Variants in ANK1 observed in about 807,000 individuals in gnomAD.
ANK1 encodes the protein ankyrin 1, also known as ankyrin-1.
A neutral mutation model predicts 210.4 loss-of-function variants in ANK1; 51 were observed. The observed-to-expected ratio is 0.24, with a 90% confidence interval of 0.19 to 0.31. ANK1 has a LOEUF of 0.31. Among genes scored for constraint, ANK1 ranks in the 10% least tolerant of loss-of-function variants. The probability of loss-of-function intolerance (pLI) is 1.00; values close to 1 mark genes in which losing one functional copy is unlikely to be tolerated. For synonymous variants in ANK1, 967 were observed against 1,025.9 expected, an observed-to-expected ratio of 0.94 and a Z score of 1.10; for missense variants, 2,051 against 2,504.4, an observed-to-expected ratio of 0.82 and a Z score of 3.86.
Position 41,695,214 on chromosome 8 carries a change from C to G in ANK1, c.3078G>C (p.Glu1026Asp), listed in dbSNP as rs760994168. 5 of 1,614,064 alleles carry G rather than the reference C, an allele frequency of 3.1e-6. No individual in the cohort carries two copies. The highest frequency in any genetic ancestry group is 1.1e-5 in the South Asian group (1 of 91,092). The change falls in exon 27 of 43, where the codon GAG (glutamate) becomes GAC (aspartate). Residue 1026 changes from glutamate to aspartate, a missense_variant. Glu to Asp is a conservative substitution (Grantham distance 45, BLOSUM62 2). Coordinates refer to ENST00000289734, the MANE Select transcript of ANK1 (RefSeq NM_000037.4). ...VWKEHRSRYG[E>D]SYLDQILNGM... Reference sequence around the variant, plus strand: ...CGTTGAGGATCTGATCCAGGTAGCTCTCTCCATAGCGGCTCCTGTGCTCCT... The same window carrying G: ...CGTTGAGGATCTGATCCAGGTAGCTGTCTCCATAGCGGCTCCTGTGCTCCT...
intron 1 of ANK1, among the ~76,000 whole-genome samples, chr8:41,833,519 G>A (rs996973400): frequency 1.3e-4 from 20 of 152,314 alleles, no homozygotes; most frequent in African/African-American, 4.1e-4. Flanking sequence ...AAGGATAAAC[G>A]GAAGCGTGGG....
rs1332892487 is a variant in ANK1, at chr8:41,710,800, G to C, written c.1801-1825C>G. On this transcript the variant is annotated intron_variant, in intron 16 of 42. Transcript: ENST00000289734. Reference sequence around the variant, plus strand: ...AAACCAACATTTCTGATTCTGCCAGGATCACTGGTCAGGAAGAGGAAAGGG... The same window carrying C: ...AAACCAACATTTCTGATTCTGCCAGCATCACTGGTCAGGAAGAGGAAAGGG... Among the ~76,000 whole-genome samples, 4 of 152,312 alleles carry C rather than the reference G, an allele frequency of 2.6e-5. No individual in the cohort carries two copies. In the South Asian group the frequency reaches 8.3e-4, roughly 32 times the overall value.
chr8:41,709,700 T>C (rs1320714678), intron 16 of ANK1, among the ~76,000 whole-genome samples: 1 of 152,188 alleles, frequency 6.6e-6, no homozygotes, highest in Non-Finnish European at 1.5e-5. Context: ...TTTGGGAGGC[T>C]GAGGTGTGAG....
intron 1 of ANK1, among the ~76,000 whole-genome samples, chr8:41,763,241 C>T (rs1840865856): frequency 6.6e-6 from 1 of 150,790 alleles, no homozygotes; most frequent in Admixed American, 6.6e-5. Flanking sequence ...TTATGACAGA[C>T]AAGCACATAA....
rs1216511155 is a variant in ANK1 at position 41,744,623 on chromosome 8, G to A, written c.130-10554C>T. Among the ~76,000 whole-genome samples, 10 of 147,030 alleles carry A rather than the reference G, an allele frequency of 6.8e-5. No individual in the cohort carries two copies. In the East Asian group the frequency reaches 8.0e-4, roughly 12 times the overall value. ...GCAATCTCGGCTCACTGCAAGCTCC[G>A]CCTCCCGGGTTCACACCATTCTCCT... is the stretch of plus-strand genomic sequence containing the variant. On this transcript the variant is annotated intron_variant, in intron 2 of 42. Coordinates refer to ENST00000289734, the MANE Select transcript of ANK1 (RefSeq NM_000037.4).
At position 41,661,890 on chromosome 8, in the gene ANK1, G is replaced by C; in HGVS notation, c.5530C>G (p.Gln1844Glu). ...QIDLSSADAA[Q>E]EHEEVELRGS... is the part of the protein sequence containing the mutation. ...TCTACAGTCACCTCCTCGTGCTCCT[G>C]GGCGGCATCGGCGCTGGACAAGTCT... The change falls in exon 41 of 43, where the codon CAG (glutamine) becomes GAG (glutamate). Residue 1844 changes from glutamine to glutamate, a missense_variant. Gln to Glu is a conservative substitution (Grantham distance 29). Coordinates refer to ENST00000289734, the MANE Select transcript of ANK1 (RefSeq NM_000037.4). 1.2e-6 allele frequency: 2 copies of C among 1,614,102 alleles called. No homozygotes were observed. The highest frequency in any genetic ancestry group is 1.7e-6 in the Non-Finnish European group (2 of 1,180,014).
In ANK1 at chr8:41,851,746, C is replaced by A. The variant is rs1033375688; in HGVS notation, c.126+44609G>T. ...GTGGCATGCACCTGTAGTCCCAGCT[C>A]CTCAGGAGGCTGAGGTGGGAGGATC... On this transcript the variant is annotated intron_variant, in intron 1 of 42. Coordinates refer to the ANK1 transcript ENST00000265709. 5.3e-5 allele frequency among the ~76,000 whole-genome samples: 8 copies of A among 152,296 alleles called. No individual in the cohort carries two copies. In the East Asian group the frequency reaches 7.7e-4, roughly 15 times the overall value.
At chr8:41,816,919 A>G (rs1002780346) in intron 1 of ANK1, among the ~76,000 whole-genome samples, 1 of 152,220 alleles carries the variant, frequency 6.6e-6, no homozygotes, top group Non-Finnish European at 1.5e-5. Flanking sequence ...ATACATAACC[A>G]TATAGATAGA....
At chr8:41,833,687 T>C (rs1422640053) in intron 1 of ANK1, among the ~76,000 whole-genome samples, 3 of 152,288 alleles carry the variant, frequency 2.0e-5, no homozygotes, top group African/African-American at 7.2e-5. Context: ...CATTCATCAG[T>C]GAACAGGCAG....
At chr8:41,784,788 GTTTT>G (rs1219488805) in intron 1 of ANK1, among the ~76,000 whole-genome samples, 1 of 152,228 alleles carries the variant, frequency 6.6e-6, no homozygotes, top group Non-Finnish European at 1.5e-5. Context: ...TTTTGAGGTG[GTTTT>G]GTTTTTGGTT....
At position 41,723,853 on chromosome 8, in the gene ANK1, G is replaced by A. The variant is rs1324579237; in HGVS notation, c.712-220C>T. ...CGCCCAGGCTGGAGTGCAGTGGCGC[G>A]ATCTCGACTCACTGCAAGCTCCGCC... On this transcript the variant is annotated intron_variant, in intron 7 of 42. Coordinates refer to ENST00000289734, the MANE Select transcript of ANK1 (RefSeq NM_000037.4). 4.0e-5 allele frequency among the ~76,000 whole-genome samples: 6 copies of A among 149,444 alleles called. No individual in the cohort carries two copies. In the South Asian group the frequency reaches 6.4e-4, roughly 16 times the overall value.
chr8:41,723,073 T>A (rs1322038231), intron 9 of ANK1, 52 bp downstream of exon 9: 5 of 1,501,354 alleles, frequency 3.3e-6, no homozygotes, highest in Non-Finnish European at 3.7e-6. Context: ...CCAGGTCTGT[T>A]GGACCTGGAG....
At chr8:41,771,196 A>G (rs1339001540) in intron 1 of ANK1, among the ~76,000 whole-genome samples, 2 of 152,220 alleles carry the variant, frequency 1.3e-5, no homozygotes, top group Admixed American at 1.3e-4. Flanking sequence ...TACGTGACTT[A>G]ATAGAACTCT....
intron 1 of ANK1, among the ~76,000 whole-genome samples, chr8:41,858,694 A>G (rs1013492816): frequency 1.3e-5 from 2 of 152,252 alleles, no homozygotes; most frequent in East Asian, 1.9e-4. Context: ...AATCCAGGAC[A>G]AGTTTATCTT....
chr8:41,887,177 C>T (rs1423806661), intron 1 of ANK1, among the ~76,000 whole-genome samples: 3 of 149,596 alleles, frequency 2.0e-5, no homozygotes, highest in African/African-American at 5.0e-5. Context: ...TCTGCTTTTT[C>T]TTTCTGTGTC....
At chr8:41,884,135 A>G (rs1481121306) in intron 1 of ANK1, among the ~76,000 whole-genome samples, 1 of 152,188 alleles carries the variant, frequency 6.6e-6, no homozygotes, top group Non-Finnish European at 1.5e-5. Flanking sequence ...AGATTTCTTG[A>G]GACCAGGAGT....
upstream of ANK1, among the ~76,000 whole-genome samples, chr8:41,797,912 G>A (rs187646469): frequency 2.0e-5 from 3 of 152,058 alleles, no homozygotes; most frequent in East Asian, 5.9e-4. The surrounding 1 kb of genome is among the most constrained non-coding windows in gnomAD (Gnocchi z 4.0). Flanking sequence ...ATGAAAGGGA[G>A]TCCGGTTTAG....
chr8:41,671,052 C>T (rs1035257170), intron 38 of ANK1, among the ~76,000 whole-genome samples: 1 of 152,220 alleles, frequency 6.6e-6, no homozygotes, highest in Non-Finnish European at 1.5e-5. Flanking sequence ...GGCCCTGGCC[C>T]AGATGGGACG....
chr8:41,780,303 G>T (rs1845014424), intron 1 of ANK1, among the ~76,000 whole-genome samples: 1 of 152,194 alleles, frequency 6.6e-6, no homozygotes, highest in Non-Finnish European at 1.5e-5. Context: ...AGGATTACTG[G>T]CACAAGACAC....
Sources: gnomAD v4.1 joint callset for allele counts (sites outside exome capture counted in the v4.1 genomes callset) on GRCh38, gnomAD v4.1.1 for gene constraint, Gnocchi (gnomAD v3.1) non-coding constraint, MANE v1.5 for transcripts, NCBI Gene and HGNC (gene_info 2026-07-23, HGNC 2026-07-21) for gene names.